Variants in NKAIN3 observed in about 807,000 individuals in gnomAD.
NKAIN3 encodes sodium/potassium-transporting ATPase subunit beta-1-interacting protein 3.
Under a neutral mutation model 30.2 loss-of-function variants are expected in NKAIN3, and 25 were observed. The ratio of observed to expected loss-of-function variants is 0.83; its 90% CI spans 0.60 to 1.16. The LOEUF (loss-of-function observed/expected upper bound fraction) is 1.16. NKAIN3 is among the 50% of genes most tolerant of loss of function. The pLI is 0.00. For synonymous variants in NKAIN3, 91 were observed against 89.6 expected, an observed-to-expected ratio of 1.02 and a Z score of -0.09; for missense variants, 225 against 254.1, an observed-to-expected ratio of 0.89 and a Z score of 0.78.
intron 5 of NKAIN3, among the ~76,000 whole-genome samples, chr8:62,950,037 A>G (rs981063164): frequency 2.0e-5 from 3 of 152,116 alleles, no homozygotes; most frequent in African/African-American, 7.2e-5. Flanking sequence ...CTCTTCTCTT[A>G]TCTTTCTCAA....
chr8:62,919,238 T>A (rs1822202729), intron 5 of NKAIN3, among the ~76,000 whole-genome samples: 2 of 89,904 alleles, frequency 2.2e-5, no homozygotes, highest in African/African-American at 5.5e-5. Flanking sequence ...TTTTTTTTTT[T>A]TTTTTTTTTT....
intron 4 of NKAIN3, among the ~76,000 whole-genome samples, chr8:62,805,402 T>C (rs553089830): frequency 1.6e-4 from 24 of 152,006 alleles, no homozygotes; most frequent in African/African-American, 5.1e-4. Flanking sequence ...CTTCAAACTA[T>C]ACTACAAGGC....
chr8:62,985,893 G>C (rs1411687953), downstream of NKAIN3, among the ~76,000 whole-genome samples: 1 of 152,212 alleles, frequency 6.6e-6, no homozygotes, highest in Non-Finnish European at 1.5e-5. Context: ...TCTACTCTTA[G>C]AGATGAAAGC....
chr8:62,964,985 T>C (rs1229366524), intron 6 of NKAIN3, among the ~76,000 whole-genome samples: 3 of 152,140 alleles, frequency 2.0e-5, no homozygotes, highest in African/African-American at 4.8e-5. Flanking sequence ...TCTTGAGCAC[T>C]TAACTACCCA....
intron 4 of NKAIN3, among the ~76,000 whole-genome samples, chr8:62,845,285 T>TTATATATA (rs10525699): frequency 0.012 from 796 of 68,866 alleles, 44 homozygotes; most frequent in African/African-American, 0.027. Context: ...GGATAGTAGA[T>TTATATATA]TATATATATA....
intron 4 of NKAIN3, among the ~76,000 whole-genome samples, chr8:62,845,286 TA>T (rs201238146): frequency 0.31 from 10,378 of 33,868 alleles, 675 homozygotes; most frequent in South Asian, 0.44. Flanking sequence ...GATAGTAGAT[TA>T]TATATATATA....
intron 3 of NKAIN3, among the ~76,000 whole-genome samples, chr8:62,615,124 G>A (rs1261972102): frequency 6.6e-6 from 1 of 151,786 alleles, no homozygotes; most frequent in Non-Finnish European, 1.5e-5. Context: ...TCTAAAGCCA[G>A]CAAGCCTCAG....
chr8:62,391,893 CTTG>C (rs80015966), intron 1 of NKAIN3, among the ~76,000 whole-genome samples: 13,265 of 151,794 alleles, frequency 0.087, 741 homozygotes, highest in African/African-American at 0.15. Flanking sequence ...TCACACACAT[CTTG>C]TTATGTTTCA....
intron 3 of NKAIN3, among the ~76,000 whole-genome samples, chr8:62,658,067 G>A (rs1246180841): frequency 3.3e-5 from 5 of 152,128 alleles, no homozygotes; most frequent in Non-Finnish European, 7.4e-5. Flanking sequence ...TTAATGAAGG[G>A]CAGCCGAGGC....
intron 1 of NKAIN3, among the ~76,000 whole-genome samples, chr8:62,470,835 A>G (rs1806311243): frequency 6.9e-6 from 1 of 144,238 alleles, no homozygotes; most frequent in Admixed American, 6.7e-5. Flanking sequence ...AAATGCAGTT[A>G]AAAAAAAAAC....
intron 3 of NKAIN3, among the ~76,000 whole-genome samples, chr8:62,708,279 A>G (rs1814598846): frequency 6.6e-6 from 1 of 152,046 alleles, no homozygotes; most frequent in Non-Finnish European, 1.5e-5. Flanking sequence ...TGGTATTTTG[A>G]TGGGAATTGC....
rs1902232 is a variant in NKAIN3, at chr8:62,978,346, A to G, written c.*12939A>G. 16,365 of 152,350 alleles carry G rather than the reference A, an allele frequency of 0.11. 934 individuals carry two copies. Among genetic ancestry groups the G allele is most frequent in the South Asian group, 0.17 (832 of 4,834 alleles). 9.4% of individuals were successfully genotyped at this position (152,350 alleles called of 1,614,324 possible). A position where few individuals can be genotyped will look rare whatever the true frequency, so the allele number is the denominator to read the frequency against. On this transcript the variant is annotated 3_prime_UTR_variant, in exon 7 of 7. Coordinates refer to ENST00000623646, the MANE Select transcript of NKAIN3 (RefSeq NM_001304533.3). ...CCCTTCCCCCAGGTGCTCTGTCCCC[A>G]GGAGATGGGAGTTTTATCTATAAGC...
chr8:62,486,896 G>C (rs1019502400), intron 1 of NKAIN3, among the ~76,000 whole-genome samples: 1 of 152,192 alleles, frequency 6.6e-6, no homozygotes, highest in African/African-American at 2.4e-5. Context: ...AGTTTGGGAA[G>C]TGTTCTTGCT....
At chr8:62,806,032 G>A (rs552608995) in intron 4 of NKAIN3, among the ~76,000 whole-genome samples, 3 of 152,256 alleles carry the variant, frequency 2.0e-5, no homozygotes, top group Admixed American at 2.0e-4. Context: ...CGTTTATGCA[G>A]CCAAAAAAAC....
intron 1 of NKAIN3, among the ~76,000 whole-genome samples, chr8:62,420,023 C>T (rs1406281206): frequency 6.6e-6 from 1 of 152,136 alleles, no homozygotes; most frequent in African/African-American, 2.4e-5. Context: ...AACCATGTCA[C>T]CTGAGAGCAT....
Position 62,667,495 on chromosome 8 carries a change from C to T in NKAIN3, c.273+77701C>T, listed in dbSNP as rs74986494. 9.3e-3 allele frequency among the ~76,000 whole-genome samples: 1,405 copies of T among 151,290 alleles called. 12 individuals carry two copies. Among genetic ancestry groups the T allele is most frequent in the Middle Eastern group, 0.017 (5 of 292 alleles). ...GCAGTAACTCAGATTAGGAGTCATTCTTATCCTTCTTTTCTTATCTTCACA... is the reference window on the plus strand; with the variant it reads ...GCAGTAACTCAGATTAGGAGTCATTTTTATCCTTCTTTTCTTATCTTCACA... On this transcript the variant is annotated intron_variant, in intron 3 of 6. Coordinates refer to ENST00000623646, the MANE Select transcript of NKAIN3 (RefSeq NM_001304533.3).
At chr8:62,531,911 C>G (rs1307101357) in intron 1 of NKAIN3, among the ~76,000 whole-genome samples, 1 of 152,182 alleles carries the variant, frequency 6.6e-6, no homozygotes, top group Non-Finnish European at 1.5e-5. Context: ...GCCCATGTGC[C>G]CAGCTTCCTG....
chr8:62,724,351 C>T (rs1195698710), intron 3 of NKAIN3, among the ~76,000 whole-genome samples: 1 of 151,902 alleles, frequency 6.6e-6, no homozygotes, highest in Non-Finnish European at 1.5e-5. Context: ...ATGAGATATC[C>T]ATCACCTCAA....
At chr8:62,461,146 A>C (rs1387907624) in intron 1 of NKAIN3, among the ~76,000 whole-genome samples, 1 of 152,220 alleles carries the variant, frequency 6.6e-6, no homozygotes, top group Admixed American at 6.5e-5. Flanking sequence ...TGTTGAAAGT[A>C]TGTCTCAACA....
Sources: gnomAD v4.1 joint callset for allele counts (sites outside exome capture counted in the v4.1 genomes callset) on GRCh38, gnomAD v4.1.1 for gene constraint, MANE v1.5 for transcripts, NCBI Gene and HGNC (gene_info 2026-07-23, HGNC 2026-07-21) for gene names.